The following ATP2B4 variants were observed in gnomAD, a reference collection of about 807,000 sequenced individuals.
The protein encoded by ATP2B4 is plasma membrane calcium-transporting ATPase 4.
Under a neutral mutation model 110.3 loss-of-function variants are expected in ATP2B4, and 39 were observed. That is an observed-to-expected ratio of 0.35 (90% CI 0.27 to 0.46). The LOEUF is 0.46. Ranked by LOEUF, ATP2B4 falls within the 20% of genes least tolerant of loss-of-function variation. The pLI is 1.00. For missense variants in ATP2B4, 1,135 were observed against 1,530.9 expected (o/e 0.74, Z 4.32); for synonymous variants, 538 against 571.7 (o/e 0.94, Z 0.84).
chr1:203,726,201 T>C (rs1178145175), intron 19 of ATP2B4, among the ~76,000 whole-genome samples: 1 of 151,810 alleles, frequency 6.6e-6, no homozygotes, highest in African/African-American at 2.4e-5. Flanking sequence ...GGCACTGCAC[T>C]CCAGCCTGGA....
At chr1:203,627,301 G>T (rs1447943338) in intron 1 of ATP2B4, 82 bp downstream of exon 1, 5 of 152,192 alleles carry the variant, frequency 3.3e-5, no homozygotes, top group Admixed American at 2.0e-4. Flanking sequence ...AAAACTCCCC[G>T]ATTTTCCTCT....
chr1:203,628,812 A>C (rs769326498), intron 1 of ATP2B4, among the ~76,000 whole-genome samples: 5 of 151,952 alleles, frequency 3.3e-5, no homozygotes, highest in Admixed American at 2.6e-4. Context: ...GTGTTTAGGA[A>C]GAAGGGGAGT....
intron 2 of ATP2B4, among the ~76,000 whole-genome samples, chr1:203,693,049 G>C (rs1033729286): frequency 6.6e-6 from 1 of 152,144 alleles, no homozygotes; most frequent in African/African-American, 2.4e-5. Flanking sequence ...GGAATTTCTA[G>C]GGGAAACCCT....
At chr1:203,700,700 A>G in intron 5 of ATP2B4, 98 bp from the exon 6 acceptor site, 1 of 1,478,826 alleles carries the variant, frequency 6.8e-7, no homozygotes, top group Non-Finnish European at 9.3e-7. Flanking sequence ...TCCATGGGGT[A>G]GGGAGGAGTA....
In ATP2B4 at chr1:203,629,064, G is replaced by C. The variant is rs913229175; in HGVS notation, c.-465+1845G>C. ...AGGCTACAGCTGAGACACTGCGGGA[G>C]AAGGAAGTAAAACACTTAGAGGAGA... On this transcript the variant is annotated intron_variant, in intron 1 of 20. Transcript: ENST00000357681. This position sits in a 1 kb window ranked among gnomAD's most constrained non-coding sequence, Gnocchi z 4.6. Among the ~76,000 whole-genome samples, 1 of 152,198 alleles carries C rather than the reference G, an allele frequency of 6.6e-6. No homozygotes were observed. Among genetic ancestry groups the C allele is most frequent in the African/African-American group, 2.4e-5 (1 of 41,444 alleles).
intron 1 of ATP2B4, among the ~76,000 whole-genome samples, chr1:203,633,744 A>AAAT (rs1166677039): frequency 2.0e-5 from 3 of 151,660 alleles, no homozygotes; most frequent in Non-Finnish European, 2.9e-5. Flanking sequence ...ATAAATAAAT[A>AAAT]AAGTAAATGC....
At chr1:203,697,598 T>C (rs1558038541) in intron 2 of ATP2B4, among the ~76,000 whole-genome samples, 1 of 152,228 alleles carries the variant, frequency 6.6e-6, no homozygotes, top group Non-Finnish European at 1.5e-5. Flanking sequence ...ATTTTGCCCA[T>C]TTTTAGACTG....
intron 1 of ATP2B4, among the ~76,000 whole-genome samples, chr1:203,639,019 T>G (rs575281127): frequency 6.6e-6 from 1 of 152,256 alleles, no homozygotes; most frequent in East Asian, 1.9e-4. Context: ...GCAGAAGTCC[T>G]GGGAAGAGGT....
rs1558051072 is a variant in ATP2B4, at chr1:203,721,180, GTTC to G, written c.2599-12_2599-10del. ...TTTCAGAGAAAAGCTAAAAGGACTGGTTCTTCTCCCCGCCAGGATTCCCCATTG... is the reference window on the plus strand; with the variant it reads ...TTTCAGAGAAAAGCTAAAAGGACTGGTTCTCCCCGCCAGGATTCCCCATTG... On this transcript the variant is annotated splice_polypyrimidine_tract_variant and intron_variant, in intron 16 of 20. Coordinates refer to ENST00000357681, the MANE Select transcript of ATP2B4 (RefSeq NM_001684.5). The G allele has an allele frequency of 3.1e-6, 5 of 1,613,388 alleles. No individual in the cohort carries two copies. The highest frequency in any genetic ancestry group is 4.2e-6 in the Non-Finnish European group (5 of 1,179,424).
intron 1 of ATP2B4, among the ~76,000 whole-genome samples, chr1:203,638,393 C>G (rs112005793): frequency 6.6e-6 from 1 of 152,190 alleles, no homozygotes; most frequent in Non-Finnish European, 1.5e-5. Context: ...CATATTACAG[C>G]CTTCTTTGTG....
At chr1:203,657,840 C>G (rs945394662) in intron 1 of ATP2B4, 2 of 435,940 alleles carry the variant, frequency 4.6e-6, no homozygotes, top group Admixed American at 8.4e-5. Context: ...AGACTCCACG[C>G]AGGCCGGGAC....
Position 203,699,485 on chromosome 1 carries a change from A to G in ATP2B4, c.417A>G (p.Pro139=), listed in dbSNP as rs1480609265. Residue 139 remains proline, a synonymous_variant, in exon 4 of 21, where the codon CCA becomes CCG. Transcript: ENST00000357681. The part of the protein sequence containing the change: ...NELCGQVATT[P]EDENEAQAGW... ...TGTGTGGTCAAGTCGCAACTACCCC[A>G]GAAGATGAAAATGAGGCACAAGCTG... The G allele has an allele frequency of 1.9e-6, 3 of 1,614,202 alleles. No homozygotes were observed. Among genetic ancestry groups the G allele is most frequent in the South Asian group, 2.2e-5 (2 of 91,088 alleles).
intron 1 of ATP2B4, among the ~76,000 whole-genome samples, chr1:203,655,839 A>G (rs1381981101): frequency 1.3e-5 from 2 of 152,122 alleles, no homozygotes; most frequent in Non-Finnish European, 2.9e-5. Context: ...ACATTGAGAA[A>G]AGACCTCTCC....
At chr1:203,631,525 T>A (rs1663265441) in intron 1 of ATP2B4, among the ~76,000 whole-genome samples, 1 of 152,118 alleles carries the variant, frequency 6.6e-6, no homozygotes, top group Non-Finnish European at 1.5e-5. Context: ...GAACACCTCA[T>A]GGCAAGGTCT....
intron 6 of ATP2B4, among the ~76,000 whole-genome samples, chr1:203,701,170 G>A (rs1317437086): frequency 6.6e-6 from 1 of 151,762 alleles, no homozygotes; most frequent in African/African-American, 2.4e-5. Flanking sequence ...ATGTCTAATG[G>A]TAGCTTGTAA....
chr1:203,690,255 A>T (rs1665326029), intron 2 of ATP2B4, among the ~76,000 whole-genome samples: 1 of 152,114 alleles, frequency 6.6e-6, no homozygotes, highest in Non-Finnish European at 1.5e-5. Context: ...ACAAGCTGAG[A>T]TGTACTGGGA....
chr1:203,644,772 C>T (rs1362873338), intron 1 of ATP2B4, among the ~76,000 whole-genome samples: 1 of 152,094 alleles, frequency 6.6e-6, no homozygotes, highest in Non-Finnish European at 1.5e-5. Context: ...ATGGCCAGTT[C>T]CCCAGGAGAC....
At chr1:203,730,057 C>T (rs553834116) in intron 20 of ATP2B4, among the ~76,000 whole-genome samples, 1 of 152,200 alleles carries the variant, frequency 6.6e-6, no homozygotes, top group South Asian at 2.1e-4. Flanking sequence ...GAAGGTCTCT[C>T]AGTGAAGGAG....
At chr1:203,628,211 CTCTT>C (rs971907091) in intron 1 of ATP2B4, among the ~76,000 whole-genome samples, 38 of 152,274 alleles carry the variant, frequency 2.5e-4, no homozygotes, top group Middle Eastern at 3.4e-3. Context: ...TCTCCCTTCT[CTCTT>C]TCTTTTACAT....
Sources: gnomAD v4.1 joint callset for allele counts (sites outside exome capture counted in the v4.1 genomes callset) on GRCh38, gnomAD v4.1.1 for gene constraint, Gnocchi (gnomAD v3.1) non-coding constraint, MANE v1.5 for transcripts, NCBI Gene and HGNC (gene_info 2026-07-23, HGNC 2026-07-21) for gene names.